The following TJP2 variants were observed in gnomAD, a reference collection of about 807,000 sequenced individuals.
TJP2 encodes the protein Friedreich ataxia region gene X104 (tight junction protein ZO-2).
TJP2 carries 91 observed loss-of-function variants against 133.1 expected under a neutral mutation model. That is an observed-to-expected ratio of 0.68 (90% CI 0.58 to 0.81). The LOEUF is 0.81. Among genes scored for constraint, TJP2 ranks in the 40% least tolerant of loss-of-function variants. TJP2 has a pLI of 0.00. For synonymous variants in TJP2, 592 were observed against 583.4 expected (o/e 1.01, Z -0.21); for missense variants, 1,541 against 1,565.6 (o/e 0.98, Z 0.26).
intron 2 of TJP2, among the ~76,000 whole-genome samples, chr9:69,156,871 A>G (rs1587927236): frequency 6.6e-6 from 1 of 152,280 alleles, no homozygotes; most frequent in East Asian, 1.9e-4. Context: ...AGGACAACTC[A>G]AAAGGGGTAG....
intron 1 of TJP2, chr9:69,205,083 C>A: frequency 1.3e-6 from 2 of 1,518,308 alleles, no homozygotes; most frequent in South Asian, 1.2e-5. Context: ...ATCCGCCTTA[C>A]GTAACCACAT....
At position 69,174,289 on chromosome 9, in the gene TJP2, G is replaced by A. The variant is rs2132934354; in HGVS notation, c.-84G>A. 6.5e-7 allele frequency: 1 copy of A among 1,549,186 alleles called. No homozygotes were observed. Among genetic ancestry groups the A allele is most frequent in the Middle Eastern group, 1.8e-4 (1 of 5,600 alleles). ...TGGGCTGCGGGTCAGAGCACTGTCC[G>A]GTGGTGCCCAGGAGGAGTAGGAGCA... On this transcript the variant is annotated 5_prime_UTR_variant, in exon 1 of 23. Transcript: ENST00000377245.
At chr9:69,222,833 C>G (rs1448269637) in intron 5 of TJP2, among the ~76,000 whole-genome samples, 1 of 151,902 alleles carries the variant, frequency 6.6e-6, no homozygotes, top group East Asian at 2.0e-4. Context: ...CTATGGGAGG[C>G]CGAGGTGGGC....
At chr9:69,240,266 A>T in intron 17 of TJP2, 119 bp downstream of exon 17, 1 of 1,009,434 alleles carries the variant, frequency 9.9e-7, no homozygotes, top group Non-Finnish European at 1.5e-6. Flanking sequence ...TGACTCCTTG[A>T]AAAATAGTTA....
upstream of TJP2, among the ~76,000 whole-genome samples, chr9:69,170,391 C>T (rs903274297): frequency 6.6e-6 from 1 of 151,960 alleles, no homozygotes; most frequent in Non-Finnish European, 1.5e-5. Flanking sequence ...TATCATTCTC[C>T]TTGTTGTATA....
chr9:69,242,885 A>C (rs1563953878), intron 17 of TJP2, among the ~76,000 whole-genome samples: 1 of 152,132 alleles, frequency 6.6e-6, no homozygotes, highest in African/African-American at 2.4e-5. Flanking sequence ...TGTTTTTGAG[A>C]CATAGTCTCC....
chr9:69,134,505 A>T (rs111226869), intron 1 of TJP2, among the ~76,000 whole-genome samples: 81 of 152,248 alleles, frequency 5.3e-4, no homozygotes, highest in African/African-American at 1.9e-3. Flanking sequence ...TGGGGTGCAC[A>T]CCTGGAGAGC....
chr9:69,228,582 A>G (rs1228933642), intron 9 of TJP2, among the ~76,000 whole-genome samples: 1 of 152,224 alleles, frequency 6.6e-6, no homozygotes, highest in Admixed American at 6.5e-5. Flanking sequence ...GTGTGTATAT[A>G]TGTATACAGA....
At chr9:69,210,250 C>T (rs888452377) in intron 1 of TJP2, among the ~76,000 whole-genome samples, 1 of 149,186 alleles carries the variant, frequency 6.7e-6, no homozygotes, top group East Asian at 2.0e-4. Context: ...GATCACACCC[C>T]TGCATTCCAG....
chr9:69,180,115 C>T (rs1190660964), intron 1 of TJP2, among the ~76,000 whole-genome samples: 1 of 152,144 alleles, frequency 6.6e-6, no homozygotes, highest in Non-Finnish European at 1.5e-5. Context: ...CCCTATATAA[C>T]TATGGTACTA....
At chr9:69,236,264 C>T (rs772515154) in intron 13 of TJP2, 26 bp downstream of exon 13, 24 of 1,610,308 alleles carry the variant, frequency 1.5e-5, no homozygotes, top group South Asian at 6.6e-5. Context: ...TTCTCACATA[C>T]CCCTTTTAAT....
intron 1 of TJP2, among the ~76,000 whole-genome samples, chr9:69,186,981 T>C (rs535216135): frequency 6.6e-6 from 1 of 152,264 alleles, no homozygotes; most frequent in East Asian, 1.9e-4. Flanking sequence ...CTGAGAAATG[T>C]GGGGAAACAG....
At chr9:69,248,961 T>C in intron 19 of TJP2, 11 of 875,002 alleles carry the variant, frequency 1.3e-5, no homozygotes, top group Non-Finnish European at 1.4e-5. Context: ...CTTTATGAAA[T>C]AGAACTACCA....
chr9:69,205,124 A>C (rs1427805945), intron 1 of TJP2: 17 of 1,536,754 alleles, frequency 1.1e-5, no homozygotes, highest in Non-Finnish European at 1.3e-5. Context: ...GCAGCCCGGA[A>C]TGTAGGCGGT....
chr9:69,150,945 C>T (rs1161726402), intron 1 of TJP2, among the ~76,000 whole-genome samples: 2 of 152,148 alleles, frequency 1.3e-5, no homozygotes, highest in Non-Finnish European at 2.9e-5. Context: ...GAATGAAGTG[C>T]TGATGTATGC....
At chr9:69,198,761 C>G (rs1194007831) in intron 1 of TJP2, among the ~76,000 whole-genome samples, 1 of 152,188 alleles carries the variant, frequency 6.6e-6, no homozygotes, top group Non-Finnish European at 1.5e-5. Flanking sequence ...CTGGTGAAAT[C>G]ACATGTGAAA....
At chr9:69,230,316 A>G (rs957889744) in intron 11 of TJP2, 84 bp downstream of exon 11, 9 of 1,569,944 alleles carry the variant, frequency 5.7e-6, no homozygotes, top group Admixed American at 5.1e-5. Flanking sequence ...GGAAGACAAA[A>G]TGGTTCAGCT....
intron 2 of TJP2, among the ~76,000 whole-genome samples, chr9:69,214,786 T>G (rs1275884129): frequency 6.8e-6 from 1 of 147,800 alleles, no homozygotes; most frequent in Non-Finnish European, 1.5e-5. Context: ...GGCAGGAGAA[T>G]CACTTGAACC....
chr9:69,236,141 C>T lies in TJP2; in HGVS notation c.1894C>T (p.Arg632Ter), dbSNP rs928915940. 1.2e-6 allele frequency: 2 copies of T among 1,614,000 alleles called. No individual in the cohort carries two copies. The highest frequency in any genetic ancestry group is 1.7e-5 in the Admixed American group (1 of 59,996). The change falls in exon 13 of 23, where the codon CGA becomes TGA. Residue 632 changes from arginine (R) to a stop codon, truncating the protein, a stop_gained. Coordinates refer to ENST00000377245, the MANE Select transcript of TJP2 (RefSeq NM_004817.4). LOFTEE classifies it high-confidence loss of function. ...SLAFTRGEVF[R>*]VVDTLYDGKL... ...GGCCTTCACCAGAGGGGAGGTCTTC[C>T]GAGTGGTAGACACACTGTATGACGG...
Sources: allele counts gnomAD v4.1 joint callset (sites outside exome capture counted in the v4.1 genomes callset), GRCh38; gene constraint gnomAD v4.1.1; transcripts MANE v1.5; gene names NCBI Gene and HGNC (gene_info 2026-07-23, HGNC 2026-07-21).